Variants in JAK3 observed in about 807,000 individuals in gnomAD.
JAK3 encodes Janus kinase 3.
JAK3 carries 88 observed loss-of-function variants against 120.8 expected under a neutral mutation model. The ratio of observed to expected loss-of-function variants is 0.73; its 90% confidence interval spans 0.61 to 0.87. The LOEUF is 0.87. JAK3 is among the 40% of genes least tolerant of loss of function. The pLI is 0.00. For synonymous variants in JAK3, 592 were observed against 628.6 expected (o/e 0.94, Z 0.87); for missense variants, 1,254 against 1,501.4 (o/e 0.84, Z 2.72).
In JAK3 at chr19:17,832,750, C is replaced by A. The variant is rs147387570; in HGVS notation, c.2490+40G>T. On this transcript the variant is annotated intron_variant, in intron 18 of 23. Transcript: ENST00000458235. The surrounding 1 kb of genome is among the most constrained non-coding windows in gnomAD (Gnocchi z 4.7). ...CTGATGTCCAGGCACCTGGATGCTG[C>A]CCTGCCCTCTCCAACCCACCCTGGC... 1,106 of 1,614,212 alleles carry A rather than the reference C, an allele frequency of 6.9e-4. 10 individuals are homozygous for A. The African/African-American group carries it at 0.012, about 17-fold the overall frequency.
In JAK3 at chr19:17,842,343, G is replaced by A. The variant is rs2147696967; in HGVS notation, c.834C>T (p.Gly278=). Residue 278 remains glycine (G), a synonymous_variant, in exon 6 of 24, where the codon GGC becomes GGT. Coordinates refer to ENST00000458235, the MANE Select transcript of JAK3 (RefSeq NM_000215.4). This position sits in a 1 kb window ranked among gnomAD's most constrained non-coding sequence, Gnocchi z 6.4. ...LGLLRVAGDG[G]IAWTQGEQEV... ...CCTGTTCTCCCTGGGTCCAGGCGATGCCGCCGTCACCAGCCACGCGGAGCA... is the reference window on the plus strand; with the variant it reads ...CCTGTTCTCCCTGGGTCCAGGCGATACCGCCGTCACCAGCCACGCGGAGCA... 1 of 1,585,720 alleles carries A rather than the reference G, an allele frequency of 6.3e-7. No individual in the cohort carries two copies.
chr19:17,834,885 G>A lies in JAK3; in HGVS notation c.2166C>T (p.Val722=), dbSNP rs2147682286. 5 of 1,614,206 alleles carry A rather than the reference G, an allele frequency of 3.1e-6. No homozygotes were observed. The highest frequency in any genetic ancestry group is 4.2e-6 in the Non-Finnish European group (5 of 1,180,040). Residue 722 remains valine, a synonymous_variant, in exon 16 of 24, where the codon GTC becomes GTT. Transcript: ENST00000458235. ...GATVWEVFSG[V]TMPISALDPA... ...GATCCAGGGCACTGATGGGCATGGTGACGCCACTAAACACTTCCCAGACCG... is the reference window on the plus strand; with the variant it reads ...GATCCAGGGCACTGATGGGCATGGTAACGCCACTAAACACTTCCCAGACCG...
intron 13 of JAK3, chr19:17,836,700 G>T (rs2094224927): frequency 4.7e-6 from 2 of 426,038 alleles, no homozygotes; most frequent in Non-Finnish European, 8.9e-6. Flanking sequence ...CACAAGCATT[G>T]CCCAACCCCC....
At position 17,842,345 on chromosome 19, in the gene JAK3, C is replaced by T; in HGVS notation, c.832G>A (p.Gly278Ser). The T allele has an allele frequency of 6.3e-7, 1 of 1,589,340 alleles. No individual in the cohort carries two copies. The highest frequency in any genetic ancestry group is 8.5e-7 in the Non-Finnish European group (1 of 1,173,200). ...LGLLRVAGDG[G>S]IAWTQGEQEV... Reference sequence around the variant, plus strand: ...TGTTCTCCCTGGGTCCAGGCGATGCCGCCGTCACCAGCCACGCGGAGCAGC... The same window carrying T: ...TGTTCTCCCTGGGTCCAGGCGATGCTGCCGTCACCAGCCACGCGGAGCAGC... The change falls in exon 6 of 24, where the codon GGC (glycine) becomes AGC (serine). Residue 278 changes from glycine (G) to serine (S), a missense_variant. Around this residue, in one of 3 missense-constraint regions of JAK3, gnomAD observed 486 missense variants for 503.0 expected, o/e 0.97. Transcript: ENST00000458235. The surrounding 1 kb of genome is among the most constrained non-coding windows in gnomAD (Gnocchi z 6.4).
rs1023424272 is a variant in JAK3, at chr19:17,842,649, C to T, written c.567-39G>A. The T allele has an allele frequency of 2.6e-6, 4 of 1,511,426 alleles. No homozygotes were observed. Among genetic ancestry groups the T allele is most frequent in the Non-Finnish European group, 2.7e-6 (3 of 1,125,614 alleles). The allele number at this position is 1,511,426 out of a possible 1,614,324, so 93.6% of individuals were successfully genotyped here. Reference sequence around the variant, plus strand: ...AGGGGAGGGAGCCGGCCCTCAGCGTCGGGAGGGGTCCCCGCGGGGACACAC... The same window carrying T: ...AGGGGAGGGAGCCGGCCCTCAGCGTTGGGAGGGGTCCCCGCGGGGACACAC... On this transcript the variant is annotated intron_variant, in intron 5 of 23. Coordinates refer to ENST00000458235, the MANE Select transcript of JAK3 (RefSeq NM_000215.4). The surrounding 1 kb of genome is among the most constrained non-coding windows in gnomAD (Gnocchi z 6.4).
chr19:17,843,442 G>A lies in JAK3; in HGVS notation c.358C>T (p.Leu120=), dbSNP rs762655525. ...FGLEKCHRFG[L]RKDLASAILD... ...ATAGCACTGGCCAAATCCTTGCGTAGCCCGAAGCGGTGGCACTTCTCCAGC... is the reference window on the plus strand; with the variant it reads ...ATAGCACTGGCCAAATCCTTGCGTAACCCGAAGCGGTGGCACTTCTCCAGC... The change falls in exon 4 of 24, where the codon CTA becomes TTA. Residue 120 remains leucine, a synonymous_variant. Coordinates refer to ENST00000458235, the MANE Select transcript of JAK3 (RefSeq NM_000215.4). This position sits in a 1 kb window ranked among gnomAD's most constrained non-coding sequence, Gnocchi z 5.4. 6 of 1,599,926 alleles carry A rather than the reference G, an allele frequency of 3.8e-6. No individual in the cohort carries two copies. Among genetic ancestry groups the A allele is most frequent in the East Asian group, 2.3e-5 (1 of 44,216 alleles).
Position 17,841,427 on chromosome 19 carries a change from C to T in JAK3, c.1104G>A (p.Leu368=), listed in dbSNP as rs2147694691. 3 of 1,553,802 alleles carry T rather than the reference C, an allele frequency of 1.9e-6. No homozygotes were observed. The highest frequency in any genetic ancestry group is 2.6e-6 in the Non-Finnish European group (3 of 1,148,772). Residue 368 remains leucine (L), a synonymous_variant, in exon 8 of 24, where the codon CTG becomes CTA. Coordinates refer to ENST00000458235, the MANE Select transcript of JAK3 (RefSeq NM_000215.4). The surrounding 1 kb of genome is among the most constrained non-coding windows in gnomAD (Gnocchi z 4.1). ...FFCKEVAPPR[L]LEEVAEQCHG... is the part of the protein sequence containing the mutation. ...GGCACTGCTCGGCCACTTCCTCCAGCAGCCTCGGCGGTGCCACCTCCTTGC... is the reference window on the plus strand; with the variant it reads ...GGCACTGCTCGGCCACTTCCTCCAGTAGCCTCGGCGGTGCCACCTCCTTGC...
In JAK3 at chr19:17,838,047, T is replaced by C. The variant is rs142805245; in HGVS notation, c.1586A>G (p.His529Arg). The C allele has an allele frequency of 3.5e-5, 57 of 1,614,116 alleles. No homozygotes were observed. Among genetic ancestry groups the C allele is most frequent in the Middle Eastern group, 3.3e-4 (2 of 6,062 alleles). ...DSLEWHENLG[H>R]GSFTKIYRGC... ...CCGGTAAATCTTGGTGAAGGACCCA[T>C]GGCCCAGGTTCTCATGCTGAATGGT... is the stretch of plus-strand genomic sequence containing the variant. Residue 529 changes from histidine to arginine, a missense_variant, in exon 12 of 24, where the codon CAT becomes CGT. Around this residue, in one of 3 missense-constraint regions of JAK3, gnomAD observed 630 missense variants for 819.8 expected, o/e 0.77. Transcript: ENST00000458235.
rs867174 is a variant in JAK3, at chr19:17,842,121, A to G, written c.861+195T>C. Among the ~76,000 whole-genome samples, 13,916 of 140,672 alleles carry G rather than the reference A, an allele frequency of 0.099. 815 individuals are homozygous for G. Among genetic ancestry groups the G allele is most frequent in the African/African-American group, 0.17 (6,240 of 37,118 alleles). The allele number at this position is 140,672 out of a possible 152,430, so 92.3% of individuals were successfully genotyped here. On this transcript the variant is annotated intron_variant, in intron 6 of 23. Coordinates refer to ENST00000458235, the MANE Select transcript of JAK3 (RefSeq NM_000215.4). This position sits in a 1 kb window ranked among gnomAD's most constrained non-coding sequence, Gnocchi z 6.4. ...TCCCATTTTCATTCCCGGGTCGCTC[A>G]GCCCAACCCTTCACTCAGTTTGCCC...
intron 12 of JAK3, among the ~76,000 whole-genome samples, chr19:17,837,710 CG>C (rs1429077423): frequency 1.3e-5 from 2 of 152,056 alleles, no homozygotes; most frequent in Non-Finnish European, 2.9e-5. Flanking sequence ...CCACCGCGCC[CG>C]GCCTAAAATT....
At chr19:17,828,100 T>G (rs1227290652) in intron 23 of JAK3, among the ~76,000 whole-genome samples, 1 of 152,096 alleles carries the variant, frequency 6.6e-6, no homozygotes, top group Non-Finnish European at 1.5e-5. Context: ...CTCCTAGCTT[T>G]ACTCATGGGT....
intron 17 of JAK3, among the ~76,000 whole-genome samples, chr19:17,833,318 T>TTATCTGCAGAG (rs1198313937): frequency 2.0e-5 from 3 of 152,106 alleles, no homozygotes; most frequent in Non-Finnish European, 2.9e-5. Flanking sequence ...ACTCTCTCTT[T>TTATCTGCAGAG]TATCTGCAGA....
chr19:17,845,169 A>G (rs2094249281), intron 1 of JAK3, among the ~76,000 whole-genome samples: 1 of 152,010 alleles, frequency 6.6e-6, no homozygotes, highest in African/African-American at 2.4e-5. Context: ...AGTTTGTTTT[A>G]TGTTTTTTGC....
chr19:17,841,812 A>C lies in JAK3; in HGVS notation c.862-50T>G. 1.3e-6 allele frequency: 2 copies of C among 1,597,142 alleles called. No homozygotes were observed. The highest frequency in any genetic ancestry group is 1.7e-6 in the Non-Finnish European group (2 of 1,179,226). ...GTGGGGGCCCAGCTGGACCCCGCCA[A>C]ACCACGCCCATGAACCCACCCCCAA... is the stretch of plus-strand genomic sequence containing the variant. On this transcript the variant is annotated intron_variant, in intron 6 of 23. Transcript: ENST00000458235. This position sits in a 1 kb window ranked among gnomAD's most constrained non-coding sequence, Gnocchi z 4.1.
At chr19:17,840,189 T>C (rs1469574157) in intron 9 of JAK3, 41 bp downstream of exon 9, 2 of 1,365,806 alleles carry the variant, frequency 1.5e-6, no homozygotes, top group South Asian at 1.2e-5. Flanking sequence ...CGTCACCTCC[T>C]CCAGGCAGCC....
intron 1 of JAK3, 75 bp from the exon 2 acceptor site, chr19:17,844,505 A>G (rs1287530838): frequency 3.6e-6 from 5 of 1,388,222 alleles, no homozygotes; most frequent in African/African-American, 1.4e-5. Flanking sequence ...GGGCATGGAA[A>G]GGAGTGCTGG....
chr19:17,839,695 G>C (rs1372726083), intron 9 of JAK3, 32 bp from the exon 10 acceptor site: 3 of 1,521,882 alleles, frequency 2.0e-6, no homozygotes, highest in Non-Finnish European at 9.0e-7. Flanking sequence ...GAGTGGGACT[G>C]AGCGACAGAC....
In JAK3 at chr19:17,831,107, C is replaced by A. The variant is rs1040510850; in HGVS notation, c.2978+121G>T. 2.9e-5 allele frequency: 29 copies of A among 1,011,944 alleles called. No homozygotes were observed. Among genetic ancestry groups the A allele is most frequent in the Non-Finnish European group, 3.9e-5 (28 of 714,650 alleles). The allele number at this position is 1,011,944 out of a possible 1,614,324, so 62.7% of individuals were successfully genotyped here. A position where few individuals can be genotyped will look rare whatever the true frequency, so the allele number is the denominator to read the frequency against. On this transcript the variant is annotated intron_variant, in intron 21 of 23. Transcript: ENST00000458235. This position sits in a 1 kb window ranked among gnomAD's most constrained non-coding sequence, Gnocchi z 5.1. The stretch of plus-strand genomic sequence containing the variant: ...TGGGGAGTGGGAGGGGCCAAAGCTG[C>A]AGCGGAGGAAGGGCGGGGCTAAGGC...
chr19:17,841,459 A>C lies in JAK3; in HGVS notation c.1072T>G (p.Phe358Val). ...GGCGGTGCCACCTCCTTGCAGAAGA[A>C]GTGCTGGGAGTCCGTGGTCAGCCGG... ...YFRLTTDSQH[F>V]FCKEVAPPRL... The change falls in exon 8 of 24, where the codon TTC becomes GTC. Residue 358 changes from phenylalanine (F) to valine (V), a missense_variant. Phe to Val is a conservative substitution (Grantham distance 50, BLOSUM62 -1). Coordinates refer to ENST00000458235, the MANE Select transcript of JAK3 (RefSeq NM_000215.4). The surrounding 1 kb of genome is among the most constrained non-coding windows in gnomAD (Gnocchi z 4.1). The C allele has an allele frequency of 6.4e-7, 1 of 1,557,622 alleles. No homozygotes were observed. The highest frequency in any genetic ancestry group is 8.7e-7 in the Non-Finnish European group (1 of 1,150,476).
Sources: gnomAD v4.1 joint callset for allele counts (sites outside exome capture counted in the v4.1 genomes callset) on GRCh38, gnomAD v4.1.1 for gene constraint, gnomAD v4.1.1 regional missense constraint, Gnocchi (gnomAD v3.1) non-coding constraint, MANE v1.5 for transcripts, NCBI Gene and HGNC (gene_info 2026-07-23, HGNC 2026-07-21) for gene names.